ANHX: variants seen among roughly 807,000 people sequenced by gnomAD.
ANHX encodes the protein anomalous homeobox.
A neutral mutation model predicts 38.9 loss-of-function variants in ANHX; 20 were observed. The ratio of observed to expected loss-of-function variants is 0.51; its 90% CI spans 0.36 to 0.75. The LOEUF is 0.75. Ranked by LOEUF, ANHX falls within the 30% of genes least tolerant of loss-of-function variation. The pLI, the probability that ANHX is intolerant of heterozygous loss-of-function variation, is 0.00. For missense variants in ANHX, 475 were observed against 493.1 expected (o/e 0.96, Z 0.35); for synonymous variants, 185 against 203.1 (o/e 0.91, Z 0.76).
intron 3 of ANHX, among the ~76,000 whole-genome samples, chr12:133,230,459 C>T (rs1221209732): frequency 1.3e-5 from 2 of 152,196 alleles, no homozygotes; most frequent in African/African-American, 4.8e-5. Flanking sequence ...CCGACCAGGC[C>T]CTGTGGCTCA....
At chr12:133,220,034 C>G (rs1957087836) in intron 8 of ANHX, among the ~76,000 whole-genome samples, 1 of 152,138 alleles carries the variant, frequency 6.6e-6, no homozygotes, top group South Asian at 2.1e-4. Flanking sequence ...ACATGAAATT[C>G]TATAAAATGC....
At position 133,218,878 on chromosome 12, in the gene ANHX, G is replaced by A. The variant is rs1297120959; in HGVS notation, c.*7C>T. On this transcript the variant is annotated 3_prime_UTR_variant, in exon 10 of 10. Transcript: ENST00000545940. ...TCCTGGGGTGCTGTCTGGCTCCTGG[G>A]GATAGCTCAGCCCAGGCTGCTCCCT... The A allele has an allele frequency of 1.3e-6, 2 of 1,504,138 alleles. No individual in the cohort carries two copies. Among genetic ancestry groups the A allele is most frequent in the Middle Eastern group, 1.7e-4 (1 of 5,808 alleles). 93.2% of individuals were successfully genotyped at this position (1,504,138 alleles called of 1,614,324 possible). A position where few individuals can be genotyped will look rare whatever the true frequency, so the allele number is the denominator to read the frequency against.
At position 133,225,730 on chromosome 12, in the gene ANHX, G is replaced by A. The variant is rs537008284; in HGVS notation, c.938C>T (p.Ala313Val). The change falls in exon 7 of 10, where the codon GCT (alanine) becomes GTT (valine). Residue 313 changes from alanine to valine, a missense_variant. Coordinates refer to ENST00000545940, the MANE Select transcript of ANHX (RefSeq NM_001372060.1). ...CPGPGLCPLA[A>V]GNDMLNPSLA... is the part of the protein sequence containing the mutation. ...AGAGGGGTTCAGCATGTCATTGCCA[G>A]CAGCCAGAGGGCAGAGGCCAGGGCC... Among the ~76,000 whole-genome samples the A allele has an allele frequency of 1.3e-5, 2 of 152,368 alleles. No individual in the cohort carries two copies. The highest frequency in any genetic ancestry group is 1.9e-4 in the East Asian group (1 of 5,180).
chr12:133,228,257 A>T (rs1386550569), intron 3 of ANHX, among the ~76,000 whole-genome samples: 5 of 151,364 alleles, frequency 3.3e-5, no homozygotes, highest in African/African-American at 1.2e-4. Flanking sequence ...TCACATGTAG[A>T]CATCCTCATC....
At position 133,227,132 on chromosome 12, in the gene ANHX, C is replaced by T. The variant is rs937283867; in HGVS notation, c.522G>A (p.Thr174=). ...TGTACACCTGCTCAGGGGTCAAGCT[C>T]GTCTCCAATGCCAAGTTCTCCTGCC... ...KAERENLALE[T]SLTPEQVYNW... The change falls in exon 5 of 10, where the codon ACG becomes ACA. Residue 174 remains threonine (T), a synonymous_variant. Transcript: ENST00000545940. 35 of 1,535,388 alleles carry T rather than the reference C, an allele frequency of 2.3e-5. No homozygotes were observed. The highest frequency in any genetic ancestry group is 2.6e-5 in the Non-Finnish European group (30 of 1,146,458).
chr12:133,223,254 C>T (rs1957137134), intron 7 of ANHX, among the ~76,000 whole-genome samples: 1 of 151,348 alleles, frequency 6.6e-6, no homozygotes, highest in African/African-American at 2.4e-5. Flanking sequence ...TTAAGAAATA[C>T]CCAAAACGCA....
intron 8 of ANHX, 134 bp from the exon 9 acceptor site, chr12:133,219,501 T>C: frequency 1.6e-6 from 1 of 634,474 alleles, no homozygotes; most frequent in Non-Finnish European, 2.7e-6. Flanking sequence ...ACTCTCTTCC[T>C]GCAGGGCTGT....
In ANHX at chr12:133,234,179, C is replaced by T; in HGVS notation, c.178G>A (p.Asp60Asn). The change falls in exon 2 of 10, where the codon GAT becomes AAT. Residue 60 changes from aspartate (D) to asparagine (N), a missense_variant. Coordinates refer to ENST00000545940, the MANE Select transcript of ANHX (RefSeq NM_001372060.1). ...ACACGGGCGCACGCCAGGGCCACATCTGCGTTGTCCAGGAGATGCAGGCGG... is the reference window on the plus strand; with the variant it reads ...ACACGGGCGCACGCCAGGGCCACATTTGCGTTGTCCAGGAGATGCAGGCGG... ...QLRLHLLDNADVALACARVLD... is the reference protein window; with the variant it reads ...QLRLHLLDNANVALACARVLD... The T allele has an allele frequency of 6.5e-7, 1 of 1,536,194 alleles. No individual in the cohort carries two copies. Among genetic ancestry groups the T allele is most frequent in the Non-Finnish European group, 8.7e-7 (1 of 1,146,926 alleles).
chr12:133,229,121 G>A (rs1329117803), intron 3 of ANHX, among the ~76,000 whole-genome samples: 1 of 152,066 alleles, frequency 6.6e-6, no homozygotes, highest in African/African-American at 2.4e-5. Flanking sequence ...AGTCCCAGAG[G>A]TCTGTCCCCT....
Position 133,225,533 on chromosome 12 carries a change from C to T in ANHX, c.1132+3G>A, listed in dbSNP as rs547610906. 2.0e-5 allele frequency among the ~76,000 whole-genome samples: 3 copies of T among 152,348 alleles called. No homozygotes were observed. The highest frequency in any genetic ancestry group is 7.2e-5 in the African/African-American group (3 of 41,582). On this transcript the variant is annotated splice_donor_region_variant and intron_variant, in intron 7 of 9. Coordinates refer to ENST00000545940, the MANE Select transcript of ANHX (RefSeq NM_001372060.1). ...ACTCATGGTCTGTCTGAAGTGGACC[C>T]ACCTGTAGGGCTGGGATCTCCAAGG...
chr12:133,230,640 G>C (rs1174347624), intron 3 of ANHX, among the ~76,000 whole-genome samples: 3 of 152,232 alleles, frequency 2.0e-5, no homozygotes, highest in South Asian at 4.1e-4. Context: ...GCTGGGCATG[G>C]TGGTCACAGC....
chr12:133,227,458 C>T (rs1957205368), intron 4 of ANHX, among the ~76,000 whole-genome samples: 1 of 152,188 alleles, frequency 6.6e-6, no homozygotes, highest in Non-Finnish European at 1.5e-5. Context: ...CCCCAAGCCC[C>T]TGGAGGGGCA....
At chr12:133,220,704 C>T (rs1050601048) in intron 8 of ANHX, among the ~76,000 whole-genome samples, 2 of 152,116 alleles carry the variant, frequency 1.3e-5, no homozygotes, top group African/African-American at 2.4e-5. Flanking sequence ...CCAGGCCACC[C>T]TGCCCCAGTC....
At position 133,225,847 on chromosome 12, in the gene ANHX, A is replaced by G. The variant is rs1957182048; in HGVS notation, c.840-19T>C. On this transcript the variant is annotated intron_variant, in intron 6 of 9. Coordinates refer to ENST00000545940, the MANE Select transcript of ANHX (RefSeq NM_001372060.1). ...CAGAGACCTGGGGGACATGGAGAACACTGTCTCTTGGTGGGCAGAGCCTCC... is the reference window on the plus strand; with the variant it reads ...CAGAGACCTGGGGGACATGGAGAACGCTGTCTCTTGGTGGGCAGAGCCTCC... Among the ~76,000 whole-genome samples the G allele has an allele frequency of 6.6e-6, 1 of 151,924 alleles. No individual in the cohort carries two copies. Among genetic ancestry groups the G allele is most frequent in the African/African-American group, 2.4e-5 (1 of 41,362 alleles).
intron 7 of ANHX, among the ~76,000 whole-genome samples, chr12:133,222,570 C>T (rs1957125198): frequency 6.6e-6 from 1 of 152,150 alleles, no homozygotes; most frequent in African/African-American, 2.4e-5. Flanking sequence ...CCCACGCCAG[C>T]CTCGTCAGTA....
At chr12:133,225,445 G>C (rs1207489796) in intron 7 of ANHX, among the ~76,000 whole-genome samples, 91 bp downstream of exon 7, 1 of 152,204 alleles carries the variant, frequency 6.6e-6, no homozygotes, top group Non-Finnish European at 1.5e-5. Flanking sequence ...CAAGCCGTGT[G>C]GCCCTACCCA....
At chr12:133,228,791 C>T (rs1177545789) in intron 3 of ANHX, among the ~76,000 whole-genome samples, 1 of 152,236 alleles carries the variant, frequency 6.6e-6, no homozygotes, top group African/African-American at 2.4e-5. Context: ...GTAAGTCATT[C>T]TCATGAGCTG....
chr12:133,232,638 C>A (rs564424582), intron 2 of ANHX, among the ~76,000 whole-genome samples: 1 of 152,332 alleles, frequency 6.6e-6, no homozygotes, highest in African/African-American at 2.4e-5. Flanking sequence ...GTCTCAGCCG[C>A]AAGTCACCTC....
In ANHX at chr12:133,226,913, A is replaced by C; in HGVS notation, c.718+23T>G. ...AAACCAGCTCCCCGACCACAAGGAG[A>C]CTGGGGCCCTCAGGCCACTCACCTG... On this transcript the variant is annotated intron_variant, in intron 5 of 9. Transcript: ENST00000545940. 2.7e-6 allele frequency: 4 copies of C among 1,487,436 alleles called. No individual in the cohort carries two copies. The South Asian group carries it at 3.9e-5, about 15-fold the overall frequency. 92.1% of individuals were successfully genotyped at this position (1,487,436 alleles called of 1,614,324 possible).
Sources: gnomAD v4.1 joint callset for allele counts (sites outside exome capture counted in the v4.1 genomes callset) on GRCh38, gnomAD v4.1.1 for gene constraint, MANE v1.5 for transcripts, NCBI Gene and HGNC (gene_info 2026-07-23, HGNC 2026-07-21) for gene names.